The following IL1RN variants were observed in gnomAD, a reference collection of about 807,000 sequenced individuals.
IL1RN encodes interleukin-1 receptor antagonist protein.
IL1RN carries 10 observed loss-of-function variants against 13.7 expected under a neutral mutation model. The observed-to-expected ratio is 0.73, with a 90% CI of 0.45 to 1.24. The LOEUF (loss-of-function observed/expected upper bound fraction) is 1.24. Ranked by LOEUF, IL1RN falls within the 50% of genes most tolerant of loss-of-function variation. The pLI, the probability that IL1RN is intolerant of heterozygous loss-of-function variation, is 0.00. For synonymous variants in IL1RN, 102 were observed against 82.7 expected, an observed-to-expected ratio of 1.23 and a Z score of -1.27; for missense variants, 213 against 222.1, an observed-to-expected ratio of 0.96 and a Z score of 0.26.
At chr2:113,121,014 C>T (rs1366881477) in intron 2 of IL1RN, among the ~76,000 whole-genome samples, 67 of 145,192 alleles carry the variant, frequency 4.6e-4, no homozygotes, top group African/African-American at 1.7e-3. Context: ...TCTTCCTCCT[C>T]CTTCTCCTCT....
rs1019766125 is a variant in IL1RN at position 113,129,592 on chromosome 2, C to T, written c.133C>T (p.Gln45Ter). ...CCTTTTCAGAATCTGGGATGTTAAC[C>T]AGAAGACCTTCTATCTGAGGAACAA... Reference protein sequence around the residue: ...MQAFRIWDVNQKTFYLRNNQL... With the variant: ...MQAFRIWDVN Residue 45 changes from glutamine (Q) to a stop codon, truncating the protein, a stop_gained, in exon 2 of 4, where the codon CAG (glutamine) becomes TAG (stop). Transcript: ENST00000409930. LOFTEE classifies it high-confidence loss of function. 1.9e-6 allele frequency: 3 copies of T among 1,610,366 alleles called. No individual in the cohort carries two copies. The highest frequency in any genetic ancestry group is 2.5e-6 in the Non-Finnish European group (3 of 1,176,546).
chr2:113,114,384 C>T (rs1558860960), upstream of IL1RN, among the ~76,000 whole-genome samples: 1 of 131,348 alleles, frequency 7.6e-6, no homozygotes, highest in Non-Finnish European at 1.6e-5. Context: ...ATTCCTGGTA[C>T]TGGCTTAGTT....
intron 2 of IL1RN, chr2:113,121,672 G>A: frequency 1.1e-6 from 1 of 874,820 alleles, no homozygotes. Context: ...GATAACAGTT[G>A]GATTATATAC....
At chr2:113,123,207 A>G (rs1462739753), upstream of IL1RN, among the ~76,000 whole-genome samples, 2 of 152,246 alleles carry the variant, frequency 1.3e-5, no homozygotes, top group African/African-American at 4.8e-5. Context: ...CCTGCTGAGA[A>G]TAACTAGAAA....
At chr2:113,129,740 G>C (rs1687095054) in intron 2 of IL1RN, 76 bp downstream of exon 2, 1 of 944,244 alleles carries the variant, frequency 1.1e-6, no homozygotes, top group Non-Finnish European at 1.8e-6. Flanking sequence ...AGCATGGCCT[G>C]CCTGCACAAA....
At chr2:113,106,321 T>C (rs1254206012), upstream of IL1RN, among the ~76,000 whole-genome samples, 1 of 152,186 alleles carries the variant, frequency 6.6e-6, no homozygotes, top group Non-Finnish European at 1.5e-5. Context: ...TTATTTTTAT[T>C]TTTGAAGCTT....
At chr2:113,118,750 C>T (rs377258697) in intron 1 of IL1RN, among the ~76,000 whole-genome samples, 4 of 152,224 alleles carry the variant, frequency 2.6e-5, no homozygotes, top group African/African-American at 9.6e-5. Flanking sequence ...AAAATTGGCC[C>T]CTGAGGCTGG....
chr2:113,104,571 T>C (rs1408360196), upstream of IL1RN, among the ~76,000 whole-genome samples: 1 of 151,992 alleles, frequency 6.6e-6, no homozygotes, highest in Admixed American at 6.6e-5. Flanking sequence ...GGAGTTGGAG[T>C]CTTGTTGGCT....
chr2:113,130,521 G>T (rs1687133413), intron 2 of IL1RN, among the ~76,000 whole-genome samples: 2 of 152,240 alleles, frequency 1.3e-5, no homozygotes, highest in African/African-American at 4.8e-5. Flanking sequence ...TTGACCTGGA[G>T]CACAGGTATC....
chr2:113,116,364 C>G (rs971406937), upstream of IL1RN, among the ~76,000 whole-genome samples: 1 of 152,308 alleles, frequency 6.6e-6, no homozygotes, highest in South Asian at 2.1e-4. Context: ...AATTTCTCTA[C>G]AAAAGCTGCT....
At chr2:113,105,393 C>T (rs1348394036), upstream of IL1RN, among the ~76,000 whole-genome samples, 3 of 152,124 alleles carry the variant, frequency 2.0e-5, no homozygotes, top group Non-Finnish European at 4.4e-5. Context: ...TCATCCTGCT[C>T]AGTAATCATT....
chr2:113,127,768 G>A (rs765105930), intron 1 of IL1RN, 28 bp downstream of exon 1: 3 of 1,609,792 alleles, frequency 1.9e-6, no homozygotes, highest in East Asian at 4.5e-5. Context: ...AGGAGAAGGT[G>A]AGGGTGGATC....
intron 1 of IL1RN, chr2:113,118,146 CGCATGGA>C: frequency 6.6e-7 from 1 of 1,506,826 alleles, no homozygotes; most frequent in Non-Finnish European, 9.2e-7. Context: ...AAATGTCAAG[CGCATGGA>C]GCTCCAGGCC....
upstream of IL1RN, among the ~76,000 whole-genome samples, chr2:113,103,044 C>A (rs768099743): frequency 1.3e-5 from 2 of 152,168 alleles, no homozygotes; most frequent in African/African-American, 4.8e-5. Flanking sequence ...ACTACTTGAT[C>A]GGACAATACT....
intron 1 of IL1RN, among the ~76,000 whole-genome samples, chr2:113,111,605 T>C (rs866493246): frequency 2.0e-5 from 3 of 152,204 alleles, no homozygotes; most frequent in African/African-American, 4.8e-5. Flanking sequence ...GACTGCTCAG[T>C]GTGGGTATAT....
the IL1RN span, among the ~76,000 whole-genome samples, chr2:113,101,563 C>CT: frequency 2.3e-4 from 35 of 152,098 alleles, no homozygotes; most frequent in Non-Finnish European, 4.3e-4. Context: ...AAAGGACTGC[C>CT]TTTCTCAAGA....
upstream of IL1RN, among the ~76,000 whole-genome samples, chr2:113,113,666 T>C (rs1686540339): frequency 6.6e-6 from 1 of 152,172 alleles, no homozygotes; most frequent in Non-Finnish European, 1.5e-5. Context: ...ATGGTGGTGA[T>C]GGTTTCATGA....
upstream of IL1RN, among the ~76,000 whole-genome samples, chr2:113,125,827 C>G (rs1268098393): frequency 6.6e-6 from 1 of 152,228 alleles, no homozygotes; most frequent in African/African-American, 2.4e-5. Flanking sequence ...GAGATGGAGT[C>G]TTACTCTGTT....
At chr2:113,112,483 A>C (rs1176475018) in intron 1 of IL1RN, among the ~76,000 whole-genome samples, 1 of 152,166 alleles carries the variant, frequency 6.6e-6, no homozygotes, top group South Asian at 2.1e-4. Flanking sequence ...GAGGCCCTTG[A>C]TAAGGTAAAG....
Sources: allele counts gnomAD v4.1 joint callset (sites outside exome capture counted in the v4.1 genomes callset), GRCh38; gene constraint gnomAD v4.1.1; transcripts MANE v1.5; gene names NCBI Gene and HGNC (gene_info 2026-07-23, HGNC 2026-07-21).